The following TTN variants were observed in gnomAD, a reference collection of about 807,000 sequenced individuals.
TTN encodes titin, also known as connectin.
A neutral mutation model predicts 3,223.0 loss-of-function variants in TTN; 1,525 were observed. The observed-to-expected ratio is 0.47, with a 90% CI of 0.45 to 0.49. The LOEUF is 0.49. Ranked by LOEUF, TTN falls within the 20% of genes least tolerant of loss-of-function variation. The pLI, the probability that TTN is intolerant of heterozygous loss-of-function variation, is 0.00. For missense variants in TTN, 40,786 were observed against 43,424.0 expected (o/e 0.94, Z 5.40); for synonymous variants, 14,094 against 15,161.0 (o/e 0.93, Z 5.17).
chr2:178,529,084 T>C lies in TTN; in HGVS notation c.106667A>G (p.Lys35556Arg). Residue 35556 changes from lysine to arginine, a missense_variant, in exon 360 of 363, where the codon AAA becomes AGA. Lys to Arg is a conservative substitution (Grantham distance 26). Coordinates refer to ENST00000589042, the MANE Select transcript of TTN (RefSeq NM_001267550.2). The stretch of plus-strand genomic sequence containing the variant: ...TTTGAGGGCTAACTTTTCTTGAGAT[T>C]TTGCCTCTGACATCTTAATTTCTTC... Reference protein sequence around the residue: ...RSEEIKMSEAKSQEKLALKEE... With the variant: ...RSEEIKMSEARSQEKLALKEE... 6.2e-7 allele frequency: 1 copy of C among 1,613,068 alleles called. No individual in the cohort carries two copies. Among genetic ancestry groups the C allele is most frequent in the Non-Finnish European group, 8.5e-7 (1 of 1,179,494 alleles).
rs1559224502 is a variant in TTN at position 178,554,048 on chromosome 2, A to T, written c.89063T>A (p.Ile29688Asn). ...LGWFKVLKET[I>N]RDTRQKVTGL... ...TGTTACTTTTTGTCTGGTGTCACGGATAGTCTCTTTTAGTACTTTAAACCA... is the reference window on the plus strand; with the variant it reads ...TGTTACTTTTTGTCTGGTGTCACGGTTAGTCTCTTTTAGTACTTTAAACCA... The change falls in exon 333 of 363, where the codon ATC (isoleucine) becomes AAC (asparagine). Residue 29688 changes from isoleucine (I) to asparagine (N), a missense_variant. By Grantham distance (149) the Ile-to-Asn change is moderately radical (BLOSUM62 -3). Transcript: ENST00000589042. 5.6e-6 allele frequency: 9 copies of T among 1,613,814 alleles called. No homozygotes were observed. Among genetic ancestry groups the T allele is most frequent in the South Asian group, 3.3e-5 (3 of 91,076 alleles).
intron 150 of TTN, 43 bp from the exon 151 acceptor site, chr2:178,674,452 T>C: frequency 2.5e-6 from 3 of 1,197,564 alleles, no homozygotes; most frequent in Non-Finnish European, 3.5e-6. Context: ...TTATAATTAT[T>C]TTGAATATTA....
chr2:178,796,724 CAA>C (rs568852547), intron 6 of TTN, among the ~76,000 whole-genome samples: 148 of 152,160 alleles, frequency 9.7e-4, no homozygotes, highest in African/African-American at 2.5e-3. Context: ...GGGTTTAATT[CAA>C]AAAGAGTTAA....
Position 178,632,770 on chromosome 2 carries a change from T to G in TTN, c.43236A>C (p.Thr14412=). The G allele has an allele frequency of 6.2e-7, 1 of 1,612,888 alleles. No homozygotes were observed. The highest frequency in any genetic ancestry group is 8.5e-7 in the Non-Finnish European group (1 of 1,179,474). ...KVKELPLIFI[T]PLSDVKVFEK... ...CGAAGACTTTAACATCACTGAGAGG[T>G]GTGATGAAGATAAGAGGCAATTCTG... Residue 14412 remains threonine, a synonymous_variant, in exon 235 of 363, where the codon ACA becomes ACC. Transcript: ENST00000589042.
Position 178,723,700 on chromosome 2 carries a change from T to C in TTN, c.21404-4A>G, listed in dbSNP as rs72648965. The C allele has an allele frequency of 6.2e-4, 973 of 1,559,534 alleles. No individual in the cohort carries two copies. The highest frequency in any genetic ancestry group is 7.8e-4 in the Non-Finnish European group (901 of 1,157,838). On this transcript the variant is annotated splice_region_variant and splice_polypyrimidine_tract_variant and intron_variant, in intron 73 of 362. Transcript: ENST00000589042. ...TCTTTCACAAAAGAGGGTGGTTCTATATAGACATGGAGAACAATTAAAAGA... is the reference window on the plus strand; with the variant it reads ...TCTTTCACAAAAGAGGGTGGTTCTACATAGACATGGAGAACAATTAAAAGA...
At chr2:178,805,375 T>C (rs984970539) in intron 1 of TTN, among the ~76,000 whole-genome samples, 7 of 147,834 alleles carry the variant, frequency 4.7e-5, no homozygotes, top group Non-Finnish European at 7.5e-5. Context: ...TTAAAATAAA[T>C]AAACCTCTGC....
In TTN at chr2:178,568,315, A is replaced by C; in HGVS notation, c.77817T>G (p.Asp25939Glu). ...TTCTAGCAACAGTAGCAGAAACAAC[A>C]TCCCATACTGTGGTGGTTGTATCTC... ...QKRDTTTTVW[D>E]VVSATVARTT... Residue 25939 changes from aspartate (D) to glutamate (E), a missense_variant, in exon 326 of 363, where the codon GAT becomes GAG. Transcript: ENST00000589042. 1 of 1,613,498 alleles carries C rather than the reference A, an allele frequency of 6.2e-7. No homozygotes were observed. Among genetic ancestry groups the C allele is most frequent in the Non-Finnish European group, 8.5e-7 (1 of 1,179,638 alleles).
Position 178,633,404 on chromosome 2 carries a change from G to A in TTN, c.42946+9C>T. 1 of 1,613,288 alleles carries A rather than the reference G, an allele frequency of 6.2e-7. No individual in the cohort carries two copies. The highest frequency in any genetic ancestry group is 1.7e-4 in the Middle Eastern group (1 of 6,052). On this transcript the variant is annotated intron_variant, in intron 232 of 362. Transcript: ENST00000589042. ...GATAGGGTAAATTTTACATTGTTGA[G>A]CAACTCACCCTCAACAGTAACATTT...
chr2:178,579,552 G>A lies in TTN; in HGVS notation c.67636+9C>T, dbSNP rs770925046. ...AAGGAAAAATGAAGATGTGTGCATA[G>A]AGCCTTACCAACATCATCCCTTGCC... On this transcript the variant is annotated intron_variant, in intron 319 of 362. Transcript: ENST00000589042. 1.9e-6 allele frequency: 3 copies of A among 1,612,570 alleles called. No homozygotes were observed. The highest frequency in any genetic ancestry group is 1.7e-6 in the Non-Finnish European group (2 of 1,179,408).
In TTN at chr2:178,629,455, G is replaced by A. The variant is rs570141349; in HGVS notation, c.44282-12C>T. 2 of 1,612,434 alleles carry A rather than the reference G, an allele frequency of 1.2e-6. No homozygotes were observed. The highest frequency in any genetic ancestry group is 2.7e-5 in the African/African-American group (2 of 74,926). ...ACCAATTACTCGTGCTTTTCGAGAG[G>A]GAAGAAACAGCTTTGCGTTACTCAT... On this transcript the variant is annotated splice_polypyrimidine_tract_variant and intron_variant, in intron 239 of 362. Transcript: ENST00000589042.
rs1465047978 is a variant in TTN at position 178,593,431 on chromosome 2, T to C, written c.58777A>G (p.Lys19593Glu). Residue 19593 changes from lysine (K) to glutamate (E), a missense_variant, in exon 299 of 363, where the codon AAA becomes GAA. Physicochemically the swap from Lys to Glu is moderately conservative, Grantham distance 56 (BLOSUM62 1). Transcript: ENST00000589042. The part of the protein sequence containing the change: ...PDQPIVTEVT[K>E]DSALVTWNKP... ...TTCCAGGTTACTAATGCAGAGTCTT[T>C]GGTAACTTCTGTAACAATTGGCTGA... is the stretch of plus-strand genomic sequence containing the variant. 3.1e-6 allele frequency: 5 copies of C among 1,613,166 alleles called. No individual in the cohort carries two copies. Among genetic ancestry groups the C allele is most frequent in the Non-Finnish European group, 4.2e-6 (5 of 1,179,562 alleles).
chr2:178,562,645 A>T lies in TTN; in HGVS notation c.83487T>A (p.Asn27829Lys). The T allele has an allele frequency of 1.2e-6, 2 of 1,601,426 alleles. No individual in the cohort carries two copies. The highest frequency in any genetic ancestry group is 1.7e-6 in the Non-Finnish European group (2 of 1,175,624). ...NCTKTTFRIE[N>K]LQEGCSYYFR... ...AGTAGTAAGAACATCCTTCTTGTAGATTTTCAATTCTGAAAGTAGTTTTAG... is the reference window on the plus strand; with the variant it reads ...AGTAGTAAGAACATCCTTCTTGTAGTTTTTCAATTCTGAAAGTAGTTTTAG... Residue 27829 changes from asparagine to lysine, a missense_variant, in exon 326 of 363, where the codon AAT becomes AAA. By Grantham distance (94) the Asn-to-Lys change is moderately conservative (BLOSUM62 0). Transcript: ENST00000589042.
Position 178,629,234 on chromosome 2 carries a change from A to G in TTN, c.44424+67T>C, listed in dbSNP as rs1024883505. ...CATTAGAAAGAGCAAAGAATAAGGA[A>G]CATACAAGTGAAGGTGGAAGAACTC... is the stretch of plus-strand genomic sequence containing the variant. On this transcript the variant is annotated intron_variant, in intron 240 of 362. Coordinates refer to ENST00000589042, the MANE Select transcript of TTN (RefSeq NM_001267550.2). 11 of 1,566,774 alleles carry G rather than the reference A, an allele frequency of 7.0e-6. No homozygotes were observed. The African/African-American group carries it at 1.4e-4, about 19-fold the overall frequency.
chr2:178,749,852 G>T, intron 47 of TTN: 15 of 1,613,126 alleles, frequency 9.3e-6, no homozygotes, highest in Non-Finnish European at 1.3e-5. Context: ...GGGCTCACCA[G>T]ATATTAAACA....
At chr2:178,539,283 T>G in intron 352 of TTN, 32 bp from the exon 353 acceptor site, 1 of 1,606,094 alleles carries the variant, frequency 6.2e-7, no homozygotes, top group Non-Finnish European at 8.5e-7. Context: ...ACACATGTAT[T>G]AGAATACAGT....
rs749374532 is a variant in TTN at position 178,567,691 on chromosome 2, T to C, written c.78441A>G (p.Gln26147=). 2.5e-6 allele frequency: 4 copies of C among 1,612,050 alleles called. No homozygotes were observed. Among genetic ancestry groups the C allele is most frequent in the Admixed American group, 1.7e-5 (1 of 59,926 alleles). Residue 26147 remains glutamine (Q), a synonymous_variant, in exon 326 of 363, where the codon CAA becomes CAG. Coordinates refer to ENST00000589042, the MANE Select transcript of TTN (RefSeq NM_001267550.2). ...KASFTNVIET[Q]FTVSGLTEDQ... is the part of the protein sequence containing the mutation. ...CTTCAGTAAGACCTGACACAGTAAA[T>C]TGAGTTTCAATGACATTTGTAAAGC...
At chr2:178,594,292 C>G (rs772841893) in intron 296 of TTN, 50 bp from the exon 297 acceptor site, 1 of 1,594,304 alleles carries the variant, frequency 6.3e-7, no homozygotes, top group South Asian at 1.1e-5. Flanking sequence ...TGTCTTATTA[C>G]AAATCTACAA....
At position 178,573,306 on chromosome 2, in the gene TTN, T is replaced by A. The variant is rs373204984; in HGVS notation, c.72826A>T (p.Thr24276Ser). The A allele has an allele frequency of 1.4e-4, 220 of 1,577,160 alleles. No individual in the cohort carries two copies. The highest frequency in any genetic ancestry group is 1.7e-4 in the Non-Finnish European group (200 of 1,161,574). ...GQRWIKCNKK[T>S]LTDLRYKVSG... Reference sequence around the variant, plus strand: ...ACTTTATATCTTAAATCAGTAAGAGTTTTTTTGTTGCATTTAATCCAGCGT... The same window carrying A: ...ACTTTATATCTTAAATCAGTAAGAGATTTTTTGTTGCATTTAATCCAGCGT... Residue 24276 changes from threonine (T) to serine (S), a missense_variant, in exon 326 of 363, where the codon ACT becomes TCT. By Grantham distance (58) the Thr-to-Ser change is moderately conservative. Coordinates refer to ENST00000589042, the MANE Select transcript of TTN (RefSeq NM_001267550.2).
rs756856762 is a variant in TTN at position 178,706,944 on chromosome 2, A to G, written c.29052T>C (p.Ala9684=). ...CAGCTTTCTTGGTTGCTGGGGCCAC[A>G]GCTGGTTTGTCTGAAAAAACATTTA... is the stretch of plus-strand genomic sequence containing the variant. ...KSKVTIKDKP[A]VAPATKKAAV... The change falls in exon 101 of 363, where the codon GCT becomes GCC. Residue 9684 remains alanine, a synonymous_variant. Coordinates refer to ENST00000589042, the MANE Select transcript of TTN (RefSeq NM_001267550.2). The G allele has an allele frequency of 4.4e-6, 7 of 1,607,700 alleles. No individual in the cohort carries two copies. The highest frequency in any genetic ancestry group is 5.1e-6 in the Non-Finnish European group (6 of 1,177,198).
Sources: allele counts gnomAD v4.1 joint callset (sites outside exome capture counted in the v4.1 genomes callset), GRCh38; gene constraint gnomAD v4.1.1; transcripts MANE v1.5; gene names NCBI Gene and HGNC (gene_info 2026-07-23, HGNC 2026-07-21).